The following TRPM2 variants were observed in gnomAD, a reference collection of about 807,000 sequenced individuals.
TRPM2 encodes the protein transient receptor potential cation channel subfamily M member 2.
Under a neutral mutation model 174.0 loss-of-function variants are expected in TRPM2, and 161 were observed. The observed-to-expected ratio is 0.93, with a 90% CI of 0.81 to 1.05. The LOEUF is 1.05. Among genes scored for constraint, TRPM2 ranks in the 50% least tolerant of loss-of-function variants. The pLI is 0.00. For missense variants in TRPM2, 2,057 were observed against 2,038.0 expected, an observed-to-expected ratio of 1.01 and a Z score of -0.18; for synonymous variants, 954 against 861.3, an observed-to-expected ratio of 1.11 and a Z score of -1.88.
chr21:44,363,811 T>C (rs2048281661), intron 2 of TRPM2, among the ~76,000 whole-genome samples: 1 of 152,196 alleles, frequency 6.6e-6, no homozygotes, highest in South Asian at 2.1e-4. Context: ...CCTCTTGACA[T>C]GTCTATGGTG....
In TRPM2 at chr21:44,378,989, C is replaced by A; in HGVS notation, c.1015-8C>A. 6.2e-7 allele frequency: 1 copy of A among 1,602,430 alleles called. No individual in the cohort carries two copies. The highest frequency in any genetic ancestry group is 8.5e-7 in the Non-Finnish European group (1 of 1,179,226). On this transcript the variant is annotated splice_polypyrimidine_tract_variant and splice_region_variant and intron_variant, in intron 7 of 31. Transcript: ENST00000397928. ...AGTCCCGGGCTCACACCCCCACCTG[C>A]CTTGCAGACCATCGACAACGCCACC...
intron 4 of TRPM2, 157 bp from the exon 5 acceptor site, chr21:44,369,020 C>G: frequency 6.3e-6 from 5 of 795,724 alleles, no homozygotes; most frequent in Non-Finnish European, 9.4e-6. Context: ...AACCTCGGTT[C>G]CTTACACCTG....
In TRPM2 at chr21:44,431,749, T is replaced by C. The variant is rs973656148; in HGVS notation, c.3975-3382T>C. On this transcript the variant is annotated intron_variant, in intron 27 of 31. Transcript: ENST00000397928. Reference sequence around the variant, plus strand: ...CCTTGGCCTCCCAATGTGCTAGGATTACGGGCGTGAGCCACTATGCCTGGT... The same window carrying C: ...CCTTGGCCTCCCAATGTGCTAGGATCACGGGCGTGAGCCACTATGCCTGGT... 5.3e-5 allele frequency among the ~76,000 whole-genome samples: 8 copies of C among 152,258 alleles called. 1 individual carries two copies. Among genetic ancestry groups the C allele is most frequent in the Admixed American group, 5.2e-4 (8 of 15,282 alleles).
At chr21:44,382,244 A>G (rs2048904133) in intron 8 of TRPM2, among the ~76,000 whole-genome samples, 1 of 152,174 alleles carries the variant, frequency 6.6e-6, no homozygotes, top group African/African-American at 2.4e-5. Flanking sequence ...AGATGGATAG[A>G]TTATGTAGAT....
chr21:44,388,830 G>T (rs1325428282), intron 9 of TRPM2, among the ~76,000 whole-genome samples: 2 of 151,970 alleles, frequency 1.3e-5, no homozygotes, highest in Non-Finnish European at 2.9e-5. Flanking sequence ...GGAAGACCCT[G>T]TCTCAAAAAC....
rs1430103262 is a variant in TRPM2, at chr21:44,366,287, GACA to G, written c.424-466_424-464del. 6.0e-5 allele frequency among the ~76,000 whole-genome samples: 9 copies of G among 150,182 alleles called. No homozygotes were observed. The highest frequency in any genetic ancestry group is 2.2e-4 in the African/African-American group (9 of 40,316). ...GGACAGGAGAGGGGACAGGAGAGGG[GACA>G]GGAGAGGGGACAGGAGAGGGGACAG... On this transcript the variant is annotated intron_variant, in intron 3 of 31. Coordinates refer to ENST00000397928, the MANE Select transcript of TRPM2 (RefSeq NM_003307.4). The surrounding 1 kb of genome is among the most constrained non-coding windows in gnomAD (Gnocchi z 6.0).
At chr21:44,409,815 C>T (rs547372555) in intron 19 of TRPM2, among the ~76,000 whole-genome samples, 68 of 146,476 alleles carry the variant, frequency 4.6e-4, no homozygotes, top group Non-Finnish European at 1.8e-4. Flanking sequence ...TAAGTTTTGA[C>T]CGCACTGTCT....
At position 44,438,144 on chromosome 21, in the gene TRPM2, TG is replaced by T. The variant is rs1441521084; in HGVS notation, c.4168-918del. The stretch of plus-strand genomic sequence containing the variant: ...GCCCAGCTGCTGGGTCCCAGTGCTT[TG>T]GGGGCCTGTCTCCACAGCTGGAACC... On this transcript the variant is annotated intron_variant, in intron 29 of 31. Coordinates refer to ENST00000397928, the MANE Select transcript of TRPM2 (RefSeq NM_003307.4). This position sits in a 1 kb window ranked among gnomAD's most constrained non-coding sequence, Gnocchi z 5.9. Among the ~76,000 whole-genome samples the T allele has an allele frequency of 5.9e-5, 9 of 152,184 alleles. No homozygotes were observed. The highest frequency in any genetic ancestry group is 1.3e-4 in the Admixed American group (2 of 15,290).
chr21:44,425,880 G>A, intron 25 of TRPM2, 53 bp downstream of exon 25: 1 of 1,475,222 alleles, frequency 6.8e-7, no homozygotes, highest in Non-Finnish European at 9.0e-7. Context: ...CCTGGGGAGG[G>A]GAGGGCGGCC....
In TRPM2 at chr21:44,438,634, C is replaced by T. The variant is rs2051366517; in HGVS notation, c.4168-433C>T. On this transcript the variant is annotated intron_variant, in intron 29 of 31. Coordinates refer to ENST00000397928, the MANE Select transcript of TRPM2 (RefSeq NM_003307.4). The surrounding 1 kb of genome is among the most constrained non-coding windows in gnomAD (Gnocchi z 5.9). ...CGGGAGCGTCTGGGAGCCCAGCCAG[C>T]CGCAGCACAGGCCGGGGTGGGACTG... Among the ~76,000 whole-genome samples, 1 of 152,190 alleles carries T rather than the reference C, an allele frequency of 6.6e-6. No individual in the cohort carries two copies. Among genetic ancestry groups the T allele is most frequent in the Non-Finnish European group, 1.5e-5 (1 of 68,028 alleles).
chr21:44,394,734 C>T (rs905441556), intron 11 of TRPM2, among the ~76,000 whole-genome samples: 2 of 152,176 alleles, frequency 1.3e-5, no homozygotes, highest in Admixed American at 1.3e-4. Flanking sequence ...TCAGGCTTAT[C>T]TGTACCTGTG....
At position 44,380,555 on chromosome 21, in the gene TRPM2, C is replaced by G. The variant is rs185664014; in HGVS notation, c.1215+1358C>G. On this transcript the variant is annotated intron_variant, in intron 8 of 31. Coordinates refer to ENST00000397928, the MANE Select transcript of TRPM2 (RefSeq NM_003307.4). ...AGGCCCTGAAAGTGGTGCTTTCACA[C>G]ACAGCCGTCAGGCCTCAGCAGGGGC... Among the ~76,000 whole-genome samples, 303 of 152,360 alleles carry G rather than the reference C, an allele frequency of 2.0e-3. 1 individual carries two copies. Among genetic ancestry groups the G allele is most frequent in the African/African-American group, 7.1e-3 (295 of 41,582 alleles).
chr21:44,389,025 C>A (rs1288956408), intron 9 of TRPM2, among the ~76,000 whole-genome samples: 1 of 152,180 alleles, frequency 6.6e-6, no homozygotes, highest in Non-Finnish European at 1.5e-5. Context: ...ACCACAGTCT[C>A]CATACAGGAC....
At chr21:44,402,261 A>T (rs563425852) in intron 16 of TRPM2, among the ~76,000 whole-genome samples, 23 of 152,216 alleles carry the variant, frequency 1.5e-4, no homozygotes, top group African/African-American at 5.1e-4. Flanking sequence ...TTCAATAACG[A>T]GCCAGAAGGA....
In TRPM2 at chr21:44,438,564, G is replaced by A. The variant is rs773080870; in HGVS notation, c.4168-503G>A. 2.0e-5 allele frequency among the ~76,000 whole-genome samples: 3 copies of A among 152,192 alleles called. No homozygotes were observed. The highest frequency in any genetic ancestry group is 2.9e-5 in the Non-Finnish European group (2 of 68,020). Reference sequence around the variant, plus strand: ...AGGGTGGGAAAGATGGGTGTGGGGAGGAGGAGGTGCAGGCCGGAGCTGGGT... The same window carrying A: ...AGGGTGGGAAAGATGGGTGTGGGGAAGAGGAGGTGCAGGCCGGAGCTGGGT... On this transcript the variant is annotated intron_variant, in intron 29 of 31. Coordinates refer to ENST00000397928, the MANE Select transcript of TRPM2 (RefSeq NM_003307.4). The surrounding 1 kb of genome is among the most constrained non-coding windows in gnomAD (Gnocchi z 5.9).
At chr21:44,422,288 G>C in intron 22 of TRPM2, 2 of 1,536,060 alleles carry the variant, frequency 1.3e-6, no homozygotes, top group Non-Finnish European at 1.7e-6. Flanking sequence ...TGGAGCTTTG[G>C]GGGTCAAGGA....
intron 19 of TRPM2, among the ~76,000 whole-genome samples, chr21:44,412,313 C>G (rs538462751): frequency 6.6e-6 from 1 of 152,276 alleles, no homozygotes; most frequent in African/African-American, 2.4e-5. Flanking sequence ...CTTCTCCAGT[C>G]ACCTTTGGTA....
At chr21:44,374,394 G>T (rs1351956156) in intron 5 of TRPM2, among the ~76,000 whole-genome samples, 1 of 152,180 alleles carries the variant, frequency 6.6e-6, no homozygotes, top group African/African-American at 2.4e-5. Context: ...TTCCACAGAT[G>T]GGGGCGGGGT....
chr21:44,380,390 G>A (rs1287586872), intron 8 of TRPM2, among the ~76,000 whole-genome samples: 1 of 152,166 alleles, frequency 6.6e-6, no homozygotes. Flanking sequence ...TTCCTTCCCG[G>A]TGCCATTGGG....
Sources: gnomAD v4.1 joint callset for allele counts (sites outside exome capture counted in the v4.1 genomes callset) on GRCh38, gnomAD v4.1.1 for gene constraint, Gnocchi (gnomAD v3.1) non-coding constraint, MANE v1.5 for transcripts, NCBI Gene and HGNC (gene_info 2026-07-23, HGNC 2026-07-21) for gene names.